The following COBLL1 variants were observed in gnomAD, a reference collection of about 807,000 sequenced individuals.
COBLL1 encodes the protein cordon-bleu WH2 repeat protein like 1, also known as cordon-bleu protein-like 1.
Under a neutral mutation model 94.8 loss-of-function variants are expected in COBLL1, and 50 were observed. The ratio of observed to expected loss-of-function variants is 0.53; its 90% CI spans 0.42 to 0.67. The LOEUF is 0.67. COBLL1 is among the 30% of genes least tolerant of loss of function. The pLI is 0.00. For synonymous variants in COBLL1, 448 were observed against 473.8 expected (o/e 0.95, Z 0.71); for missense variants, 1,362 against 1,348.7 (o/e 1.01, Z -0.15).
rs769726735 is a variant in COBLL1 at position 164,699,513 on chromosome 2, C to T, written c.1461-14G>A. 6.7e-7 allele frequency: 1 copy of T among 1,482,366 alleles called. No homozygotes were observed. Among genetic ancestry groups the T allele is most frequent in the South Asian group, 1.1e-5 (1 of 88,374 alleles). The allele number at this position is 1,482,366 out of a possible 1,614,324, so 91.8% of individuals were successfully genotyped here. On this transcript the variant is annotated splice_polypyrimidine_tract_variant and intron_variant, in intron 10 of 13. Transcript: ENST00000652658. ...CTGTGTGGTTCTCTGGAAGATACGACATTGTATGTTATATGTTGATACTAT... is the reference window on the plus strand; with the variant it reads ...CTGTGTGGTTCTCTGGAAGATACGATATTGTATGTTATATGTTGATACTAT...
At chr2:164,669,566 G>A (rs1419016714) in intron 1 of COBLL1, among the ~76,000 whole-genome samples, 1 of 152,142 alleles carries the variant, frequency 6.6e-6, no homozygotes, top group Non-Finnish European at 1.5e-5. Flanking sequence ...ACCACTTCTA[G>A]CTACCCACAA....
intron 2 of COBLL1, among the ~76,000 whole-genome samples, chr2:164,809,009 G>A (rs1684329866): frequency 6.6e-6 from 1 of 152,006 alleles, no homozygotes; most frequent in African/African-American, 2.4e-5. Flanking sequence ...GCAACACTTG[G>A]AATTCATTAA....
At chr2:164,664,021 A>T (rs1302511785) in intron 2 of COBLL1, among the ~76,000 whole-genome samples, 2 of 152,254 alleles carry the variant, frequency 1.3e-5, no homozygotes, top group African/African-American at 4.8e-5. Context: ...TATACTTAAA[A>T]TAAAAACAAT....
chr2:164,820,194 G>C (rs1685095339), intron 2 of COBLL1, among the ~76,000 whole-genome samples: 1 of 150,790 alleles, frequency 6.6e-6, no homozygotes, highest in African/African-American at 2.4e-5. Context: ...CAGTTTATTG[G>C]AGTGAGCAAA....
intron 2 of COBLL1, among the ~76,000 whole-genome samples, chr2:164,750,795 AG>A (rs952555425): frequency 6.6e-6 from 1 of 152,184 alleles, no homozygotes. Context: ...GTTTCAGAGC[AG>A]CAGCCATAGT....
chr2:164,818,601 A>ATATGTGTACATATGTACACATATATGGCG (rs1684983975), intron 2 of COBLL1, among the ~76,000 whole-genome samples: 1 of 140,240 alleles, frequency 7.1e-6, no homozygotes, highest in East Asian at 2.0e-4. Flanking sequence ...CATATATAGC[A>ATATGTGTACATATGTACACATATATGGCG]TATGTGTACA....
Position 164,700,630 on chromosome 2 carries a change from A to G in COBLL1, c.1352T>C (p.Ile451Thr), listed in dbSNP as rs1203585016. ...SQDIPFVSTDIINTLKNDPDS... is the reference protein window; with the variant it reads ...SQDIPFVSTDTINTLKNDPDS... ...AGGATCATTTTTCAGTGTATTTATT[A>G]TATCAGTAGATACAAAAGGAATATC... Residue 451 changes from isoleucine to threonine, a missense_variant, in exon 10 of 14, where the codon ATA becomes ACA. By Grantham distance (89) the Ile-to-Thr change is moderately conservative (BLOSUM62 -1). Transcript: ENST00000652658. 3.7e-6 allele frequency: 6 copies of G among 1,612,450 alleles called. No homozygotes were observed. The highest frequency in any genetic ancestry group is 2.7e-5 in the African/African-American group (2 of 74,884).
intron 13 of COBLL1, among the ~76,000 whole-genome samples, chr2:164,689,359 A>C (rs1683474111): frequency 6.6e-6 from 1 of 152,146 alleles, no homozygotes; most frequent in Non-Finnish European, 1.5e-5. Context: ...CAACTTTCTG[A>C]TGAACAATCT....
intron 2 of COBLL1, among the ~76,000 whole-genome samples, chr2:164,817,661 T>G (rs1214681200): frequency 6.7e-6 from 1 of 149,214 alleles, no homozygotes; most frequent in Non-Finnish European, 1.5e-5. Flanking sequence ...GCAGAACTAA[T>G]CACTGAATGA....
intron 2 of COBLL1, among the ~76,000 whole-genome samples, chr2:164,805,315 CTCTCTCTCTCTCTCTCTCTCTCTATA>C (rs1378960479): frequency 0.021 from 768 of 36,762 alleles, 76 homozygotes; most frequent in Non-Finnish European, 0.029. Context: ...CTCTCTCTCT[CTCTCTCTCTCTCTCTCTCTCTCTATA>C]TATATATATA....
At chr2:164,663,162 G>T (rs1691098442) in intron 2 of COBLL1, among the ~76,000 whole-genome samples, 2 of 152,004 alleles carry the variant, frequency 1.3e-5, no homozygotes, top group Admixed American at 1.3e-4. Flanking sequence ...TATTCTGAGG[G>T]CATAGGGCAA....
rs947143995 is a variant in COBLL1 at position 164,684,686 on chromosome 2, T to A, written c.*1260A>T. On this transcript the variant is annotated 3_prime_UTR_variant, in exon 14 of 14. Transcript: ENST00000652658. ...ACAAATTTCTTGTTTGTTCACTGGC[T>A]AATAGAAATGTATGCATCAGGTAAG... 1 of 152,136 alleles carries A rather than the reference T, an allele frequency of 6.6e-6. No individual in the cohort carries two copies. The highest frequency in any genetic ancestry group is 2.4e-5 in the African/African-American group (1 of 41,420). 9.4% of individuals were successfully genotyped at this position (152,136 alleles called of 1,614,324 possible).
chr2:164,723,217 A>G (rs1467263344), intron 5 of COBLL1: 1 of 152,184 alleles, frequency 6.6e-6, no homozygotes, highest in Non-Finnish European at 1.5e-5. Context: ...TCTTGTCTCA[A>G]ATGTTAATAG....
chr2:164,824,838 A>T (rs1046894148), intron 2 of COBLL1, among the ~76,000 whole-genome samples: 22 of 152,328 alleles, frequency 1.4e-4, no homozygotes, highest in African/African-American at 5.3e-4. Flanking sequence ...TACAAAAAAA[A>T]GTGTTCAGTT....
chr2:164,836,762 A>C (rs1422827390), intron 2 of COBLL1, among the ~76,000 whole-genome samples: 1 of 152,188 alleles, frequency 6.6e-6, no homozygotes. Context: ...TCTTTTTTGC[A>C]TCAGCTCCAT....
intron 2 of COBLL1, among the ~76,000 whole-genome samples, chr2:164,798,629 G>A (rs960967756): frequency 6.6e-6 from 1 of 152,046 alleles, no homozygotes; most frequent in Non-Finnish European, 1.5e-5. Flanking sequence ...ATACTCAGGG[G>A]GACTATCTGC....
rs1471123641 is a variant in COBLL1, at chr2:164,760,905, C to T, written c.42-17030G>A. Among the ~76,000 whole-genome samples, 5 of 152,082 alleles carry T rather than the reference C, an allele frequency of 3.3e-5. No homozygotes were observed. In the East Asian group the frequency reaches 7.7e-4, roughly 23 times the overall value. Reference sequence around the variant, plus strand: ...CAGGTAATATACGCTGATAATCTAGCACATTACAGTTTGAAACCACCGAAC... The same window carrying T: ...CAGGTAATATACGCTGATAATCTAGTACATTACAGTTTGAAACCACCGAAC... On this transcript the variant is annotated intron_variant, in intron 2 of 13. Transcript: ENST00000652658.
Position 164,728,066 on chromosome 2 carries a change from T to C in COBLL1, c.564A>G (p.Leu188=), listed in dbSNP as rs1685806659. 3 of 1,613,788 alleles carry C rather than the reference T, an allele frequency of 1.9e-6. No individual in the cohort carries two copies. The highest frequency in any genetic ancestry group is 1.3e-5 in the African/African-American group (1 of 75,044). Residue 188 remains leucine (L), a synonymous_variant, in exon 5 of 14, where the codon CTA becomes CTG. Transcript: ENST00000652658. ...CCTGCGATTGATAATCTTTCAACAA[T>C]AGTGTATGCAACGGATCAAACTCAC... ...SKCEFDPLHT[L]LLKDYQSQEP...
chr2:164,749,444 G>C (rs1043671949), intron 2 of COBLL1, among the ~76,000 whole-genome samples: 5 of 152,094 alleles, frequency 3.3e-5, no homozygotes, highest in Admixed American at 6.6e-5. Flanking sequence ...ACATAGATAG[G>C]ATTTATTGTG....
Sources: allele counts gnomAD v4.1 joint callset (sites outside exome capture counted in the v4.1 genomes callset), GRCh38; gene constraint gnomAD v4.1.1; transcripts MANE v1.5; gene names NCBI Gene and HGNC (gene_info 2026-07-23, HGNC 2026-07-21).